Variants in NAV2 observed in about 807,000 individuals in gnomAD.
NAV2 encodes helicase, APC down-regulated 1.
Under a neutral mutation model 223.2 loss-of-function variants are expected in NAV2, and 54 were observed. The observed-to-expected ratio is 0.24, with a 90% CI of 0.19 to 0.30. NAV2 has a LOEUF of 0.30. Ranked by LOEUF, NAV2 falls within the 10% of genes least tolerant of loss-of-function variation. The probability of loss-of-function intolerance (pLI) is 1.00; values close to 1 mark genes in which losing one functional copy is unlikely to be tolerated. For missense variants in NAV2, 2,806 were observed against 3,147.5 expected, an observed-to-expected ratio of 0.89 and a Z score of 2.60; for synonymous variants, 1,279 against 1,239.3, an observed-to-expected ratio of 1.03 and a Z score of -0.67.
chr11:19,726,386 A>G (rs2051252117), intron 1 of NAV2, among the ~76,000 whole-genome samples: 2 of 152,178 alleles, frequency 1.3e-5, no homozygotes, highest in Non-Finnish European at 2.9e-5. Context: ...TATATCACAA[A>G]GACTCTGTTT....
At chr11:20,050,860 C>T (rs1403674801) in intron 16 of NAV2, among the ~76,000 whole-genome samples, 1 of 152,212 alleles carries the variant, frequency 6.6e-6, no homozygotes, top group East Asian at 1.9e-4. Flanking sequence ...AAGTCATTGC[C>T]AGTGGCATTT....
At chr11:19,431,754 A>G (rs1307210796) in intron 1 of NAV2, among the ~76,000 whole-genome samples, 1 of 152,268 alleles carries the variant, frequency 6.6e-6, no homozygotes, top group African/African-American at 2.4e-5. Flanking sequence ...GAGTCTATCA[A>G]GATGAAATAT....
chr11:19,576,328 G>A (rs1802920450), intron 1 of NAV2, among the ~76,000 whole-genome samples: 1 of 152,208 alleles, frequency 6.6e-6, no homozygotes, highest in Non-Finnish European at 1.5e-5. Flanking sequence ...GCTTTCAGCT[G>A]AATCCAAGGC....
chr11:19,928,068 G>T (rs538230849), intron 6 of NAV2, among the ~76,000 whole-genome samples: 1 of 152,280 alleles, frequency 6.6e-6, no homozygotes, highest in East Asian at 1.9e-4. Flanking sequence ...CTTCTGGTTT[G>T]ATTTCTATTT....
At chr11:19,550,232 G>A (rs937337415) in intron 1 of NAV2, among the ~76,000 whole-genome samples, 2 of 152,194 alleles carry the variant, frequency 1.3e-5, no homozygotes, top group Admixed American at 1.3e-4. Flanking sequence ...AGCTATTTCT[G>A]AAGCTCATTT....
chr11:19,345,770 G>T (rs1852973119), upstream of NAV2, among the ~76,000 whole-genome samples: 1 of 152,236 alleles, frequency 6.6e-6, no homozygotes, highest in African/African-American at 2.4e-5. This position sits in a 1 kb window ranked among gnomAD's most constrained non-coding sequence, Gnocchi z 5.2. Flanking sequence ...GCCCCTATCC[G>T]GAGTGGGTGT....
At chr11:19,466,839 A>G (rs1379123278) in intron 1 of NAV2, among the ~76,000 whole-genome samples, 2 of 152,176 alleles carry the variant, frequency 1.3e-5, no homozygotes, top group African/African-American at 4.8e-5. Flanking sequence ...AAAACACAGA[A>G]AGTTGTAAAG....
At chr11:19,642,188 GACTTCCCCATCTGC>G (rs2047684646) in intron 1 of NAV2, among the ~76,000 whole-genome samples, 1 of 152,104 alleles carries the variant, frequency 6.6e-6, no homozygotes, top group African/African-American at 2.4e-5. Context: ...CCATAATGAT[GACTTCCCCATCTGC>G]ACATACTCTT....
intron 1 of NAV2, among the ~76,000 whole-genome samples, chr11:19,567,431 T>C (rs1320800813): frequency 6.6e-6 from 1 of 152,240 alleles, no homozygotes; most frequent in Non-Finnish European, 1.5e-5. Context: ...TGCAGATTTA[T>C]TTCTGTAATG....
At chr11:19,607,283 G>A (rs191307790) in intron 1 of NAV2, among the ~76,000 whole-genome samples, 12 of 152,262 alleles carry the variant, frequency 7.9e-5, no homozygotes, top group East Asian at 1.9e-4. Flanking sequence ...CCTTTGAAAC[G>A]GGGAGCCCTC....
At chr11:19,431,089 G>A (rs180936766) in intron 1 of NAV2, among the ~76,000 whole-genome samples, 74 of 152,322 alleles carry the variant, frequency 4.9e-4, no homozygotes, top group African/African-American at 1.7e-3. Context: ...CAGGCAGGTG[G>A]AGGGGCATCT....
At chr11:19,460,591 T>C (rs1012036118) in intron 1 of NAV2, among the ~76,000 whole-genome samples, 1 of 141,020 alleles carries the variant, frequency 7.1e-6, no homozygotes, top group African/African-American at 2.7e-5. Flanking sequence ...TAGGTGGGAA[T>C]TGAACAATGA....
chr11:19,807,845 G>A (rs1318001125), intron 1 of NAV2, among the ~76,000 whole-genome samples: 4 of 152,188 alleles, frequency 2.6e-5, no homozygotes, highest in East Asian at 3.8e-4. Flanking sequence ...AGGAAAAGTC[G>A]TGAAACTGAC....
At chr11:20,013,362 C>G (rs1358318123) in intron 11 of NAV2, among the ~76,000 whole-genome samples, 1 of 152,142 alleles carries the variant, frequency 6.6e-6, no homozygotes, top group African/African-American at 2.4e-5. Context: ...CAGTTTTTCT[C>G]TTAGAGACTA....
At chr11:19,838,200 T>C (rs1161327871) in intron 2 of NAV2, among the ~76,000 whole-genome samples, 3 of 152,206 alleles carry the variant, frequency 2.0e-5, no homozygotes, top group Non-Finnish European at 2.9e-5. Flanking sequence ...GGCAGCACGA[T>C]TGTGCCTTTT....
chr11:20,105,784 T>C, intron 35 of NAV2, 57 bp downstream of exon 35: 2 of 1,417,796 alleles, frequency 1.4e-6, no homozygotes, highest in South Asian at 1.2e-5. Context: ...GCCCATCCTC[T>C]GGGCCCTGGC....
intron 1 of NAV2, among the ~76,000 whole-genome samples, chr11:19,499,379 G>C (rs117905093): frequency 6.6e-6 from 1 of 152,214 alleles, no homozygotes; most frequent in Non-Finnish European, 1.5e-5. Flanking sequence ...ACCCCACACA[G>C]GGGTCAAGGT....
At chr11:20,077,528 C>T (rs1321681257) in intron 22 of NAV2, 24 bp from the exon 23 acceptor site, 3 of 1,576,940 alleles carry the variant, frequency 1.9e-6, no homozygotes, top group African/African-American at 1.3e-5. Context: ...GGTAATATAA[C>T]TGAGGTTGTG....
intron 1 of NAV2, among the ~76,000 whole-genome samples, chr11:19,477,054 C>T (rs1295858764): frequency 1.3e-5 from 2 of 152,138 alleles, no homozygotes; most frequent in Admixed American, 6.5e-5. Context: ...GTCCTTTGCC[C>T]CCACACCTGG....
Sources: allele counts gnomAD v4.1 joint callset (sites outside exome capture counted in the v4.1 genomes callset), GRCh38; gene constraint gnomAD v4.1.1; non-coding constraint Gnocchi (gnomAD v3.1); transcripts MANE v1.5; gene names NCBI Gene and HGNC (gene_info 2026-07-23, HGNC 2026-07-21).